The following PHLPP2 variants were observed in gnomAD, a reference collection of about 807,000 sequenced individuals.
PHLPP2 encodes the protein PH domain leucine-rich repeat-containing protein phosphatase 2.
A neutral mutation model predicts 124.9 loss-of-function variants in PHLPP2; 66 were observed. The observed-to-expected ratio is 0.53, with a 90% CI of 0.43 to 0.65. The LOEUF is 0.65. Among genes scored for constraint, PHLPP2 ranks in the 30% least tolerant of loss-of-function variants. The pLI, the probability that PHLPP2 is intolerant of heterozygous loss-of-function variation, is 0.00. For missense variants in PHLPP2, 1,685 were observed against 1,600.4 expected (o/e 1.05, Z -0.90); for synonymous variants, 681 against 624.7 (o/e 1.09, Z -1.34).
chr16:71,697,007 C>T (rs1319096978), intron 3 of PHLPP2, among the ~76,000 whole-genome samples: 3 of 151,912 alleles, frequency 2.0e-5, no homozygotes, highest in Middle Eastern at 6.3e-3. Flanking sequence ...CCCATCTCTA[C>T]TAAAAATACA....
intron 3 of PHLPP2, among the ~76,000 whole-genome samples, chr16:71,701,336 C>G (rs953388939): frequency 0.013 from 1 of 76 alleles, no homozygotes; most frequent in Admixed American, 0.25. Flanking sequence ...ACCTACCTAC[C>G]TACCTACTAC....
chr16:71,722,426 CA>C (rs1385704693), intron 1 of PHLPP2, among the ~76,000 whole-genome samples: 1 of 151,184 alleles, frequency 6.6e-6, no homozygotes, highest in African/African-American at 2.4e-5. Context: ...GACCCTGTCT[CA>C]AAAAATAAAT....
At chr16:71,719,964 A>T (rs866291856) in intron 1 of PHLPP2, among the ~76,000 whole-genome samples, 8 of 53,252 alleles carry the variant, frequency 1.5e-4, no homozygotes, top group African/African-American at 3.3e-4. Context: ...TGCCCAGCTA[A>T]TTTTTTTTTT....
intron 1 of PHLPP2, among the ~76,000 whole-genome samples, chr16:71,719,256 C>T (rs549857033): frequency 2.0e-5 from 3 of 152,280 alleles, no homozygotes; most frequent in Non-Finnish European, 2.9e-5. Context: ...TCTTTCTAGC[C>T]GGGCGCAGTG....
At position 71,647,217 on chromosome 16, in the gene PHLPP2, T is replaced by C. The variant is rs1596983217; in HGVS notation, c.*1673A>G. 6.6e-6 allele frequency: 1 copy of C among 152,606 alleles called. No individual in the cohort carries two copies. The highest frequency in any genetic ancestry group is 2.1e-4 in the South Asian group (1 of 4,828). 9.5% of individuals were successfully genotyped at this position (152,606 alleles called of 1,614,324 possible). On this transcript the variant is annotated 3_prime_UTR_variant, in exon 19 of 19. Transcript: ENST00000568954. ...AATGCCAACATTTTGTGGGAATAAA[T>C]AGGAATTAATTTTCCTAAGCAAATC...
intron 3 of PHLPP2, among the ~76,000 whole-genome samples, chr16:71,701,782 T>C (rs1194211557): frequency 6.6e-6 from 1 of 152,192 alleles, no homozygotes; most frequent in Non-Finnish European, 1.5e-5. Context: ...ACAAGATATT[T>C]TGAGAGAGAG....
Position 71,656,659 on chromosome 16 carries a change from C to A in PHLPP2, c.2302G>T (p.Asp768Tyr), listed in dbSNP as rs749341407. Residue 768 changes from aspartate to tyrosine, a missense_variant, in exon 16 of 19, where the codon GAT (aspartate) becomes TAT (tyrosine). Asp to Tyr is a radical substitution (Grantham distance 160, BLOSUM62 -3). Coordinates refer to ENST00000568954, the MANE Select transcript of PHLPP2 (RefSeq NM_015020.3). ...IFSHITTLKI[D>Y]QKPLPTTDST... ...TCTGTGGTTGGCAAAGGTTTCTGAT[C>A]AATTTTCAGGGTTGTGATATGGCTG... The A allele has an allele frequency of 1.2e-6, 2 of 1,611,534 alleles. No homozygotes were observed. The highest frequency in any genetic ancestry group is 2.2e-5 in the South Asian group (2 of 90,970).
At chr16:71,719,706 C>CT (rs1299192661) in intron 1 of PHLPP2, among the ~76,000 whole-genome samples, 1 of 149,014 alleles carries the variant, frequency 6.7e-6, no homozygotes, top group Non-Finnish European at 1.5e-5. Flanking sequence ...CAAGGAGACT[C>CT]TGTCTTTAAA....
chr16:71,649,184 T>C lies in PHLPP2; in HGVS notation c.3678A>G (p.Leu1226=), dbSNP rs146642094. ...LLPMSKDRME[L]QKSPSTSCLY... is the part of the protein sequence containing the mutation. ...GGCAGGAGGTGGAGGGAGACTTCTGTAACTCCATCCTGTCCTTGCTCATTG... is the reference window on the plus strand; with the variant it reads ...GGCAGGAGGTGGAGGGAGACTTCTGCAACTCCATCCTGTCCTTGCTCATTG... The change falls in exon 19 of 19, where the codon TTA becomes TTG. Residue 1226 remains leucine (L), a synonymous_variant. Coordinates refer to ENST00000568954, the MANE Select transcript of PHLPP2 (RefSeq NM_015020.3). 46 of 1,614,106 alleles carry C rather than the reference T, an allele frequency of 2.8e-5. No homozygotes were observed. The African/African-American group carries it at 5.1e-4, about 18-fold the overall frequency.
At chr16:71,679,345 C>A (rs755460068) in intron 7 of PHLPP2, 44 bp downstream of exon 7, 7 of 1,575,272 alleles carry the variant, frequency 4.4e-6, no homozygotes, top group Non-Finnish European at 6.1e-6. Flanking sequence ...AGGCAAGTTC[C>A]TTATTCTGCA....
At chr16:71,718,464 C>G (rs956463706) in intron 1 of PHLPP2, among the ~76,000 whole-genome samples, 2 of 151,238 alleles carry the variant, frequency 1.3e-5, no homozygotes, top group African/African-American at 4.9e-5. Context: ...CCTGAAATCC[C>G]AAATACTTGG....
At chr16:71,689,933 C>G (rs1374288527) in intron 4 of PHLPP2, among the ~76,000 whole-genome samples, 1 of 152,154 alleles carries the variant, frequency 6.6e-6, no homozygotes, top group African/African-American at 2.4e-5. Context: ...TCCAGACAAA[C>G]TCAGATTGGT....
rs188566578 is a variant in PHLPP2, at chr16:71,659,966, A to G, written c.1986-1151T>C. On this transcript the variant is annotated intron_variant, in intron 13 of 18. Transcript: ENST00000568954. ...TTATATCTTGCCTTTTTCATATAACATATCATAAATAATTTCTACTCCTAG... is the reference window on the plus strand; with the variant it reads ...TTATATCTTGCCTTTTTCATATAACGTATCATAAATAATTTCTACTCCTAG... Among the ~76,000 whole-genome samples the G allele has an allele frequency of 4.8e-3, 736 of 151,882 alleles. 8 individuals are homozygous for G. The highest frequency in any genetic ancestry group is 0.017 in the African/African-American group (696 of 41,208).
chr16:71,723,738 C>T, intron 1 of PHLPP2: 2 of 1,110,840 alleles, frequency 1.8e-6, no homozygotes, highest in Non-Finnish European at 2.4e-6. Context: ...CTCGCCCGCT[C>T]GCTCGCTCGC....
chr16:71,667,463 G>C, intron 11 of PHLPP2, 130 bp from the exon 12 acceptor site: 1 of 681,588 alleles, frequency 1.5e-6, no homozygotes, highest in Non-Finnish European at 2.4e-6. Context: ...TATACTCACT[G>C]ACAAGTGCCT....
chr16:71,665,719 G>T (rs1039304731), intron 12 of PHLPP2, among the ~76,000 whole-genome samples: 1 of 152,150 alleles, frequency 6.6e-6, no homozygotes, highest in Non-Finnish European at 1.5e-5. Context: ...ACTCACTAAA[G>T]ATTCTAAGGT....
At chr16:71,685,344 C>T (rs140298060) in intron 4 of PHLPP2, among the ~76,000 whole-genome samples, 1 of 152,024 alleles carries the variant, frequency 6.6e-6, no homozygotes, top group Admixed American at 6.6e-5. Context: ...AAAAGAAATT[C>T]TCCCCCAAAT....
At chr16:71,670,768 C>T (rs1188526453) in intron 10 of PHLPP2, among the ~76,000 whole-genome samples, 7 of 145,672 alleles carry the variant, frequency 4.8e-5, no homozygotes, top group South Asian at 2.2e-4. Context: ...ATAATGACGA[C>T]GAACAGTGCA....
At chr16:71,722,405 T>TG (rs1366711634) in intron 1 of PHLPP2, among the ~76,000 whole-genome samples, 2 of 152,044 alleles carry the variant, frequency 1.3e-5, no homozygotes, top group African/African-American at 4.8e-5. Context: ...CAGGCTTGGG[T>TG]GACAGAGTGA....
Sources: gnomAD v4.1 joint callset for allele counts (sites outside exome capture counted in the v4.1 genomes callset) on GRCh38, gnomAD v4.1.1 for gene constraint, MANE v1.5 for transcripts, NCBI Gene and HGNC (gene_info 2026-07-23, HGNC 2026-07-21) for gene names.